CACNA2D2: variants seen among roughly 807,000 people sequenced by gnomAD.
CACNA2D2 encodes the protein calcium voltage-gated channel auxiliary subunit alpha2delta 2.
A neutral mutation model predicts 166.4 loss-of-function variants in CACNA2D2; 48 were observed. That is an observed-to-expected ratio of 0.29 (90% CI 0.23 to 0.37). CACNA2D2 has a LOEUF of 0.37. CACNA2D2 is among the 10% of genes least tolerant of loss of function. The pLI, the probability that CACNA2D2 is intolerant of heterozygous loss-of-function variation, is 1.00. For synonymous variants in CACNA2D2, 561 were observed against 573.7 expected, an observed-to-expected ratio of 0.98 and a Z score of 0.32; for missense variants, 1,122 against 1,433.0, an observed-to-expected ratio of 0.78 and a Z score of 3.50.
intron 4 of CACNA2D2, among the ~76,000 whole-genome samples, chr3:50,389,589 C>T (rs1280542873): frequency 1.3e-5 from 2 of 152,220 alleles, no homozygotes; most frequent in Admixed American, 1.3e-4. Context: ...CTGGGTCCTG[C>T]CTGCACCTGG....
At chr3:50,463,907 TC>T (rs1709701190) in intron 2 of CACNA2D2, among the ~76,000 whole-genome samples, 1 of 151,840 alleles carries the variant, frequency 6.6e-6, no homozygotes, top group African/African-American at 2.4e-5. Context: ...CTGAGAGGAG[TC>T]CAACACAGTT....
At chr3:50,398,266 G>A (rs1236971050) in intron 3 of CACNA2D2, among the ~76,000 whole-genome samples, 1 of 152,078 alleles carries the variant, frequency 6.6e-6, no homozygotes, top group Non-Finnish European at 1.5e-5. Context: ...CTCTGCTCCT[G>A]GAGGTGCCTG....
chr3:50,457,708 A>C (rs1035534146), intron 2 of CACNA2D2, among the ~76,000 whole-genome samples: 2 of 152,182 alleles, frequency 1.3e-5, no homozygotes, highest in African/African-American at 4.8e-5. Context: ...TGCAGCAATG[A>C]TGCTGAGCGC....
intron 2 of CACNA2D2, among the ~76,000 whole-genome samples, chr3:50,444,526 G>A (rs906665513): frequency 1.2e-4 from 19 of 152,200 alleles, no homozygotes; most frequent in African/African-American, 4.6e-4. Context: ...CTTTTCATGG[G>A]ACCGCCTTCC....
intron 3 of CACNA2D2, among the ~76,000 whole-genome samples, chr3:50,424,418 C>T (rs980019366): frequency 6.6e-6 from 1 of 152,168 alleles, no homozygotes; most frequent in Non-Finnish European, 1.5e-5. Flanking sequence ...GGGCAAGACC[C>T]TCTGCCACTG....
chr3:50,487,834 T>C (rs1698355678), intron 1 of CACNA2D2, among the ~76,000 whole-genome samples: 1 of 152,096 alleles, frequency 6.6e-6, no homozygotes, highest in African/African-American at 2.4e-5. Context: ...GCTCGCTCAC[T>C]CCCCACCTAG....
intron 22 of CACNA2D2, chr3:50,372,987 G>T: frequency 8.3e-7 from 1 of 1,206,516 alleles, no homozygotes; most frequent in Non-Finnish European, 1.2e-6. Context: ...CTGGTCCTGG[G>T]CAGGGAGGGG....
At chr3:50,410,852 G>T (rs956677324) in intron 3 of CACNA2D2, among the ~76,000 whole-genome samples, 1 of 152,264 alleles carries the variant, frequency 6.6e-6, no homozygotes, top group Non-Finnish European at 1.5e-5. Context: ...AATCCTGGGG[G>T]TGGAGGGCCT....
intron 3 of CACNA2D2, among the ~76,000 whole-genome samples, chr3:50,423,955 T>C (rs1410530913): frequency 6.6e-6 from 1 of 152,240 alleles, no homozygotes; most frequent in Non-Finnish European, 1.5e-5. Flanking sequence ...CAGATCCATC[T>C]GTCTGCGGGG....
intron 3 of CACNA2D2, among the ~76,000 whole-genome samples, chr3:50,428,375 C>T (rs138443817): frequency 1.3e-3 from 191 of 150,644 alleles, no homozygotes; most frequent in Non-Finnish European, 2.1e-3. Flanking sequence ...ACAAAGGGAG[C>T]GGTCTGCTGC....
rs114613304 is a variant in CACNA2D2, at chr3:50,420,583, C to T, written c.405+13730G>A. Among the ~76,000 whole-genome samples, 1,278 of 152,312 alleles carry T rather than the reference C, an allele frequency of 8.4e-3. 9 individuals are homozygous for T. The highest frequency in any genetic ancestry group is 0.017 in the Middle Eastern group (5 of 294). The stretch of plus-strand genomic sequence containing the variant: ...TGCATAGTCCACAGCCCCTGGCAGC[C>T]CCTTCCTGAGAGATGAACCAAACCT... On this transcript the variant is annotated intron_variant, in intron 3 of 37. Transcript: ENST00000424201.
At chr3:50,491,792 C>G (rs1270963625) in intron 1 of CACNA2D2, among the ~76,000 whole-genome samples, 1 of 152,224 alleles carries the variant, frequency 6.6e-6, no homozygotes, top group African/African-American at 2.4e-5. Flanking sequence ...CCCCAGAGAT[C>G]CCTCTTTCCT....
At chr3:50,455,122 G>T (rs1336581640) in intron 2 of CACNA2D2, among the ~76,000 whole-genome samples, 1 of 152,102 alleles carries the variant, frequency 6.6e-6, no homozygotes, top group Non-Finnish European at 1.5e-5. Context: ...CACACCAAAG[G>T]TCCAAAGTCC....
At chr3:50,436,474 CA>C (rs1181319651) in intron 2 of CACNA2D2, among the ~76,000 whole-genome samples, 5 of 152,120 alleles carry the variant, frequency 3.3e-5, no homozygotes, top group African/African-American at 9.7e-5. Context: ...TGCTGGGGAT[CA>C]GGGGGCTGCA....
intron 2 of CACNA2D2, among the ~76,000 whole-genome samples, chr3:50,473,921 C>G (rs922639167): frequency 2.6e-5 from 4 of 152,224 alleles, no homozygotes; most frequent in African/African-American, 4.8e-5. Context: ...TGGCAGCCAT[C>G]GGCAGGCAGA....
intron 22 of CACNA2D2, chr3:50,372,937 AG>A (rs1010420081): frequency 1.6e-5 from 11 of 682,556 alleles, no homozygotes; most frequent in African/African-American, 4.0e-5. Flanking sequence ...AGAGGAGCCA[AG>A]GGGAAGCTGG....
At position 50,423,930 on chromosome 3, in the gene CACNA2D2, G is replaced by A. The variant is rs140602138; in HGVS notation, c.405+10383C>T. Among the ~76,000 whole-genome samples the A allele has an allele frequency of 3.7e-3, 565 of 152,358 alleles. 4 individuals carry two copies. The Middle Eastern group carries it at 0.037, about 10-fold the overall frequency. ...CCCAGGATTGTTCTACACACGGGGCGGAGCTAAAGGAGGACAGATCCATCT... is the reference window on the plus strand; with the variant it reads ...CCCAGGATTGTTCTACACACGGGGCAGAGCTAAAGGAGGACAGATCCATCT... On this transcript the variant is annotated intron_variant, in intron 3 of 37. Coordinates refer to ENST00000424201, the MANE Select transcript of CACNA2D2 (RefSeq NM_006030.4).
At chr3:50,470,092 C>T (rs1488682286) in intron 2 of CACNA2D2, among the ~76,000 whole-genome samples, 3 of 152,222 alleles carry the variant, frequency 2.0e-5, no homozygotes, top group Non-Finnish European at 4.4e-5. Flanking sequence ...CTCAGAATCC[C>T]AGAAGCCTTG....
rs376300457 is a variant in CACNA2D2 at position 50,364,674 on chromosome 3, G to A, written c.3424C>T (p.Arg1142Cys). The change falls in exon 38 of 38, where the codon CGC (arginine) becomes TGC (cysteine). Residue 1142 changes from arginine to cysteine, a missense_variant. By Grantham distance (180) the Arg-to-Cys change is radical. This residue lies in a region of CACNA2D2 where 282 missense variants were observed against 266.2 expected (regional missense o/e 1.06). Transcript: ENST00000424201. ...GGGGTGGGGCAGGGTGCTCAGAGGC[G>A]GCGAGAGGCGTGGACGAGGACTTGA... ...QPQVLVHASR[R>C]L 9.8e-6 allele frequency: 15 copies of A among 1,529,286 alleles called. No individual in the cohort carries two copies. The highest frequency in any genetic ancestry group is 6.3e-5 in the Admixed American group (3 of 47,290). The allele number at this position is 1,529,286 out of a possible 1,614,324, so 94.7% of individuals were successfully genotyped here.
Sources: allele counts gnomAD v4.1 joint callset (sites outside exome capture counted in the v4.1 genomes callset), GRCh38; gene constraint gnomAD v4.1.1; regional missense constraint gnomAD v4.1.1; transcripts MANE v1.5; gene names NCBI Gene and HGNC (gene_info 2026-07-23, HGNC 2026-07-21).